The following HS6ST3 variants were observed in gnomAD, a reference collection of about 807,000 sequenced individuals.
HS6ST3 encodes heparan-sulfate 6-O-sulfotransferase 3.
In HS6ST3, 12 loss-of-function variants were observed where a neutral mutation model predicts 36.7. That is an observed-to-expected ratio of 0.33 (90% CI 0.21 to 0.53). The LOEUF (loss-of-function observed/expected upper bound fraction) is 0.53, where lower values mean the gene tolerates loss of function less well. HS6ST3 is among the 20% of genes least tolerant of loss of function. The pLI is 0.95. For synonymous variants in HS6ST3, 240 were observed against 257.5 expected (o/e 0.93, Z 0.65); for missense variants, 584 against 640.9 (o/e 0.91, Z 0.96).
chr13:96,571,253 G>A (rs1466891477), intron 1 of HS6ST3, among the ~76,000 whole-genome samples: 6 of 152,182 alleles, frequency 3.9e-5, no homozygotes, highest in East Asian at 1.9e-4. Flanking sequence ...TCTGTTCATC[G>A]TAATCTGCTA....
chr13:96,561,503 G>T (rs936084839), intron 1 of HS6ST3, among the ~76,000 whole-genome samples: 3 of 151,944 alleles, frequency 2.0e-5, no homozygotes, highest in Admixed American at 1.3e-4. Context: ...GTCCTCAAAA[G>T]CAATTCCTCA....
chr13:96,729,819 A>G (rs1470247091), intron 1 of HS6ST3, among the ~76,000 whole-genome samples: 1 of 152,122 alleles, frequency 6.6e-6, no homozygotes, highest in Non-Finnish European at 1.5e-5. Context: ...AATAACTTAC[A>G]CTTTCTATAC....
intron 1 of HS6ST3, among the ~76,000 whole-genome samples, chr13:96,327,037 T>C (rs2055036134): frequency 1.4e-5 from 2 of 142,946 alleles, no homozygotes; most frequent in South Asian, 2.3e-4. Flanking sequence ...TTTGTTTTTT[T>C]CTTGTAAATT....
intron 1 of HS6ST3, among the ~76,000 whole-genome samples, chr13:96,473,589 C>T (rs1231184482): frequency 4.6e-5 from 7 of 152,268 alleles, no homozygotes; most frequent in African/African-American, 7.2e-5. Flanking sequence ...GCTGCTCAGG[C>T]GGCAGCTAGG....
At chr13:96,732,074 C>A (rs1008709026) in intron 1 of HS6ST3, among the ~76,000 whole-genome samples, 3 of 152,134 alleles carry the variant, frequency 2.0e-5, no homozygotes, top group East Asian at 3.9e-4. Flanking sequence ...TACTTGTTAT[C>A]TTTTATCTTT....
chr13:96,341,857 C>T (rs2055132025), intron 1 of HS6ST3, among the ~76,000 whole-genome samples: 1 of 152,158 alleles, frequency 6.6e-6, no homozygotes, highest in Non-Finnish European at 1.5e-5. Flanking sequence ...TTTCATTCTT[C>T]TCTACCACTA....
intron 1 of HS6ST3, among the ~76,000 whole-genome samples, chr13:96,781,215 C>A (rs1877519094): frequency 6.6e-6 from 1 of 152,142 alleles, no homozygotes; most frequent in Admixed American, 6.5e-5. Context: ...TGTTAGCTGC[C>A]AAGCTAAATA....
intron 1 of HS6ST3, among the ~76,000 whole-genome samples, chr13:96,419,588 C>A (rs1179687071): frequency 6.6e-6 from 1 of 152,114 alleles, no homozygotes; most frequent in Non-Finnish European, 1.5e-5. Context: ...AACAAAGTAC[C>A]ACAAACTGGG....
At chr13:96,517,458 G>A (rs184905403) in intron 1 of HS6ST3, among the ~76,000 whole-genome samples, 57 of 152,298 alleles carry the variant, frequency 3.7e-4, no homozygotes, top group Non-Finnish European at 3.7e-4. Context: ...AGGGAGATGG[G>A]GGGAGAGGGC....
intron 1 of HS6ST3, among the ~76,000 whole-genome samples, chr13:96,148,421 T>C (rs1448889874): frequency 6.6e-6 from 1 of 152,172 alleles, no homozygotes; most frequent in Non-Finnish European, 1.5e-5. Context: ...GAATAGGGTC[T>C]GTGGAGAGAG....
chr13:96,109,825 A>G (rs1301064922), intron 1 of HS6ST3, among the ~76,000 whole-genome samples: 2 of 152,208 alleles, frequency 1.3e-5, no homozygotes, highest in Non-Finnish European at 2.9e-5. Flanking sequence ...GTCCTGGGCA[A>G]TGTGAACCAC....
At chr13:96,611,696 T>C (rs1242016713) in intron 1 of HS6ST3, among the ~76,000 whole-genome samples, 7 of 152,158 alleles carry the variant, frequency 4.6e-5, no homozygotes, top group African/African-American at 1.7e-4. Context: ...TGCTCAGGCA[T>C]ACAGGAGAGA....
At chr13:96,514,886 T>TCTGGTAG (rs1342655347) in intron 1 of HS6ST3, among the ~76,000 whole-genome samples, 1 of 151,966 alleles carries the variant, frequency 6.6e-6, no homozygotes, top group Non-Finnish European at 1.5e-5. Flanking sequence ...CAAGTGATTG[T>TCTGGTAG]CTGGTAGCAA....
intron 1 of HS6ST3, among the ~76,000 whole-genome samples, chr13:96,269,435 G>T (rs1003941600): frequency 2.0e-5 from 3 of 151,926 alleles, no homozygotes; most frequent in Non-Finnish European, 4.4e-5. Context: ...AAATGTGACC[G>T]CTTTGTGCGT....
At chr13:96,735,676 C>T (rs1374962591) in intron 1 of HS6ST3, among the ~76,000 whole-genome samples, 1 of 152,104 alleles carries the variant, frequency 6.6e-6, no homozygotes. Flanking sequence ...AAACTGTGCT[C>T]TTTTGTATCA....
intron 1 of HS6ST3, among the ~76,000 whole-genome samples, chr13:96,290,335 G>C (rs915745270): frequency 5.3e-5 from 8 of 152,076 alleles, no homozygotes; most frequent in Non-Finnish European, 8.8e-5. Flanking sequence ...CAATAGGCAG[G>C]TAATATGACC....
intron 1 of HS6ST3, among the ~76,000 whole-genome samples, chr13:96,206,342 A>T (rs901055422): frequency 1.3e-5 from 2 of 152,228 alleles, no homozygotes; most frequent in East Asian, 3.9e-4. Flanking sequence ...TTTCATGCTT[A>T]TGTATAAGAA....
chr13:96,588,056 G>T (rs1224567020), intron 1 of HS6ST3, among the ~76,000 whole-genome samples: 1 of 152,006 alleles, frequency 6.6e-6, no homozygotes, highest in East Asian at 1.9e-4. Context: ...TAGATAGTTT[G>T]CTCTTAGTCA....
At chr13:96,129,789 A>G (rs1334099203) in intron 1 of HS6ST3, among the ~76,000 whole-genome samples, 1 of 152,192 alleles carries the variant, frequency 6.6e-6, no homozygotes, top group Non-Finnish European at 1.5e-5. Context: ...GTGACCTTAC[A>G]AAAAGGGGAA....
Sources: allele counts gnomAD v4.1 joint callset (sites outside exome capture counted in the v4.1 genomes callset), GRCh38; gene constraint gnomAD v4.1.1; transcripts MANE v1.5; gene names NCBI Gene and HGNC (gene_info 2026-07-23, HGNC 2026-07-21).